Variants in KCNH7 observed in about 807,000 individuals in gnomAD.
The protein encoded by KCNH7 is voltage-gated inwardly rectifying potassium channel KCNH7.
KCNH7 carries 49 observed loss-of-function variants against 120.8 expected under a neutral mutation model. The observed-to-expected ratio is 0.41, with a 90% CI of 0.32 to 0.51. The LOEUF is 0.51. Among genes scored for constraint, KCNH7 ranks in the 20% least tolerant of loss-of-function variants. The pLI is 0.38. For missense variants in KCNH7, 1,097 were observed against 1,446.6 expected, an observed-to-expected ratio of 0.76 and a Z score of 3.92; for synonymous variants, 547 against 516.1, an observed-to-expected ratio of 1.06 and a Z score of -0.81.
intron 2 of KCNH7, among the ~76,000 whole-genome samples, chr2:162,695,237 T>G (rs1224032244): frequency 6.6e-6 from 1 of 152,192 alleles, no homozygotes; most frequent in Non-Finnish European, 1.5e-5. Context: ...TTGGGTTATC[T>G]ATGTTAAGTA....
At chr2:162,634,112 C>T (rs1163946818) in intron 2 of KCNH7, among the ~76,000 whole-genome samples, 1 of 152,012 alleles carries the variant, frequency 6.6e-6, no homozygotes, top group South Asian at 2.1e-4. Context: ...ATCATATCTT[C>T]TACTCATAGC....
At chr2:162,617,999 T>A (rs1205721013) in intron 2 of KCNH7, among the ~76,000 whole-genome samples, 1 of 152,018 alleles carries the variant, frequency 6.6e-6, no homozygotes, top group East Asian at 1.9e-4. Context: ...CTTTTTAACA[T>A]TTATGTTTAT....
chr2:162,830,188 A>C (rs536276780), intron 2 of KCNH7, among the ~76,000 whole-genome samples: 13 of 152,264 alleles, frequency 8.5e-5, no homozygotes, highest in African/African-American at 2.9e-4. Flanking sequence ...CTTTCGGGTG[A>C]GAAGCTGAGA....
intron 3 of KCNH7, among the ~76,000 whole-genome samples, chr2:162,527,319 G>C (rs1475484463): frequency 6.6e-6 from 1 of 151,968 alleles, no homozygotes; most frequent in African/African-American, 2.4e-5. Context: ...AAAAGAGATT[G>C]TTTCTATAGT....
chr2:162,763,121 C>G (rs535371956), intron 2 of KCNH7, among the ~76,000 whole-genome samples: 1 of 152,180 alleles, frequency 6.6e-6, no homozygotes. Flanking sequence ...AAGATTCCAT[C>G]CAACTGACTA....
chr2:162,556,772 C>G (rs920902128), intron 2 of KCNH7, among the ~76,000 whole-genome samples: 3 of 152,114 alleles, frequency 2.0e-5, no homozygotes, highest in African/African-American at 7.2e-5. Flanking sequence ...GAATGGACTT[C>G]CACAGTAAAT....
intron 2 of KCNH7, among the ~76,000 whole-genome samples, chr2:162,556,583 A>G (rs972181316): frequency 6.6e-6 from 1 of 152,232 alleles, no homozygotes; most frequent in Non-Finnish European, 1.5e-5. Context: ...ACTGGCTGCA[A>G]TGTATCTGAC....
chr2:162,460,170 G>A (rs182247429), intron 6 of KCNH7, among the ~76,000 whole-genome samples: 94 of 151,632 alleles, frequency 6.2e-4, no homozygotes, highest in Non-Finnish European at 1.0e-3. Flanking sequence ...CTTTGGCCTA[G>A]GTGGGTGTCC....
intron 2 of KCNH7, among the ~76,000 whole-genome samples, chr2:162,539,241 G>A (rs1692218798): frequency 6.6e-6 from 1 of 152,060 alleles, no homozygotes; most frequent in South Asian, 2.1e-4. Context: ...AGTCTGAGGA[G>A]ATGCTAGAAA....
intron 2 of KCNH7, among the ~76,000 whole-genome samples, chr2:162,810,913 CTAAT>C (rs1684712059): frequency 6.6e-6 from 1 of 151,986 alleles, no homozygotes; most frequent in Non-Finnish European, 1.5e-5. Context: ...GTTCAGAAAA[CTAAT>C]TATGGTAAAG....
chr2:162,630,533 A>C (rs1018731151), intron 2 of KCNH7, among the ~76,000 whole-genome samples: 1 of 152,110 alleles, frequency 6.6e-6, no homozygotes, highest in Non-Finnish European at 1.5e-5. Flanking sequence ...TTACAGCTAC[A>C]GGTGAAGACA....
At chr2:162,802,576 T>C (rs775663331) in intron 2 of KCNH7, among the ~76,000 whole-genome samples, 12 of 151,750 alleles carry the variant, frequency 7.9e-5, no homozygotes, top group Admixed American at 4.6e-4. Context: ...ATGGAATGTA[T>C]GCTGTAAGTA....
At chr2:162,595,451 A>G (rs1694346318) in intron 2 of KCNH7, among the ~76,000 whole-genome samples, 1 of 152,054 alleles carries the variant, frequency 6.6e-6, no homozygotes, top group Non-Finnish European at 1.5e-5. Flanking sequence ...TCATATTAAC[A>G]AAATGAAGGA....
intron 2 of KCNH7, among the ~76,000 whole-genome samples, chr2:162,753,563 C>CA (rs1688684333): frequency 6.6e-6 from 1 of 151,954 alleles, no homozygotes; most frequent in Non-Finnish European, 1.5e-5. Context: ...TCCAACAACT[C>CA]AGGTTGGAGA....
rs150820890 is a variant in KCNH7, at chr2:162,415,564, A to G, written c.2154+7772T>C. On this transcript the variant is annotated intron_variant, in intron 9 of 15. Transcript: ENST00000332142. ...TGATTCTATACTTTAATTTGAAAAAAGTTAGGTCTTCCTAATGTTTCCTTT... is the reference window on the plus strand; with the variant it reads ...TGATTCTATACTTTAATTTGAAAAAGGTTAGGTCTTCCTAATGTTTCCTTT... Among the ~76,000 whole-genome samples the G allele has an allele frequency of 3.7e-3, 569 of 152,270 alleles. 5 individuals are homozygous for G. The highest frequency in any genetic ancestry group is 0.013 in the African/African-American group (550 of 41,570).
rs576123944 is a variant in KCNH7 at position 162,464,212 on chromosome 2, A to G, written c.1129-17769T>C. Among the ~76,000 whole-genome samples the G allele has an allele frequency of 4.6e-5, 7 of 152,128 alleles. No homozygotes were observed. In the East Asian group the frequency reaches 9.6e-4, roughly 21 times the overall value. ...CATAATTTTGTACCAGAGATTCATT[A>G]GCTTCCTATTTTTGTGCATCATTTC... On this transcript the variant is annotated intron_variant, in intron 6 of 15. Coordinates refer to ENST00000332142, the MANE Select transcript of KCNH7 (RefSeq NM_033272.4).
intron 9 of KCNH7, among the ~76,000 whole-genome samples, chr2:162,422,787 A>G (rs1016992105): frequency 6.6e-6 from 1 of 152,162 alleles, no homozygotes; most frequent in Non-Finnish European, 1.5e-5. Context: ...GGTACAGTAA[A>G]AGGGCACAGC....
intron 7 of KCNH7, among the ~76,000 whole-genome samples, chr2:162,436,953 T>TTAAAA (rs1219764553): frequency 6.6e-6 from 1 of 151,706 alleles, no homozygotes; most frequent in Non-Finnish European, 1.5e-5. Context: ...ATACAAAAAA[T>TTAAAA]TAAAATAAAA....
chr2:162,698,841 C>T (rs1026147246), intron 2 of KCNH7, among the ~76,000 whole-genome samples: 7 of 151,904 alleles, frequency 4.6e-5, no homozygotes, highest in Non-Finnish European at 1.0e-4. Flanking sequence ...CTCTCATTTA[C>T]CTGTTATTAT....
Sources: allele counts gnomAD v4.1 joint callset (sites outside exome capture counted in the v4.1 genomes callset), GRCh38; gene constraint gnomAD v4.1.1; transcripts MANE v1.5; gene names NCBI Gene and HGNC (gene_info 2026-07-23, HGNC 2026-07-21).